CCSER1: variants seen among roughly 807,000 people sequenced by gnomAD.
The protein encoded by CCSER1 is serine-rich coiled-coil domain-containing protein 1.
CCSER1 carries 41 observed loss-of-function variants against 82.0 expected under a neutral mutation model. That is an observed-to-expected ratio of 0.50 (90% CI 0.39 to 0.65). CCSER1 has a LOEUF of 0.65. Ranked by LOEUF, CCSER1 falls within the 30% of genes least tolerant of loss-of-function variation. The pLI is 0.00. For synonymous variants in CCSER1, 414 were observed against 383.9 expected (o/e 1.08, Z -0.92); for missense variants, 1,119 against 1,064.2 (o/e 1.05, Z -0.72).
intron 10 of CCSER1, among the ~76,000 whole-genome samples, chr4:91,464,373 C>T (rs1159304035): frequency 6.6e-6 from 1 of 152,138 alleles, no homozygotes; most frequent in East Asian, 1.9e-4. Context: ...TGCAAAGGAA[C>T]AACCGGTACC....
chr4:91,316,842 TAGAAATAA>T (rs1281997297), intron 10 of CCSER1, among the ~76,000 whole-genome samples: 5 of 151,880 alleles, frequency 3.3e-5, no homozygotes, highest in African/African-American at 1.2e-4. Context: ...TTCAAGCTCA[TAGAAATAA>T]AGAGTGGAAT....
chr4:91,149,638 C>A (rs986370187), intron 10 of CCSER1, among the ~76,000 whole-genome samples: 2 of 152,114 alleles, frequency 1.3e-5, no homozygotes, highest in African/African-American at 4.8e-5. Flanking sequence ...TTTAATTCAT[C>A]TTGAATTAAT....
intron 8 of CCSER1, among the ~76,000 whole-genome samples, chr4:90,833,719 A>T (rs1273934413): frequency 6.6e-6 from 1 of 152,098 alleles, no homozygotes; most frequent in Non-Finnish European, 1.5e-5. Context: ...AAACAAACAA[A>T]CCCTTTTCCT....
chr4:91,401,577 T>C (rs1352549121), intron 10 of CCSER1, among the ~76,000 whole-genome samples: 1 of 151,718 alleles, frequency 6.6e-6, no homozygotes, highest in Non-Finnish European at 1.5e-5. Context: ...GACCCTGGTG[T>C]GTGATGTTCC....
rs868250298 is a variant in CCSER1, at chr4:90,276,315, C to T, written c.-41-31929C>T. On this transcript the variant is annotated intron_variant, in intron 1 of 10. Coordinates refer to ENST00000509176, the MANE Select transcript of CCSER1 (RefSeq NM_001145065.2). ...CCTTCCTTCCTTCCTTCCTTTCTTT[C>T]TTTTTCTTTCTTTCTTTCTTTCTTC... Among the ~76,000 whole-genome samples, 897 of 98,092 alleles carry T rather than the reference C, an allele frequency of 9.1e-3. 14 individuals carry two copies. The highest frequency in any genetic ancestry group is 0.02 in the Middle Eastern group (4 of 202). The allele number at this position is 98,092 out of a possible 152,430, so 64.4% of individuals were successfully genotyped here.
chr4:90,660,873 A>G (rs891404637), intron 6 of CCSER1, among the ~76,000 whole-genome samples: 4 of 152,156 alleles, frequency 2.6e-5, no homozygotes, highest in African/African-American at 9.6e-5. Context: ...TCCAATTTTT[A>G]TTTGCAAAGT....
At chr4:90,213,620 A>G (rs2153415986) in intron 1 of CCSER1, among the ~76,000 whole-genome samples, 1 of 152,278 alleles carries the variant, frequency 6.6e-6, no homozygotes, top group East Asian at 1.9e-4. Context: ...AACTATGAAG[A>G]AGAACCAGCA....
chr4:91,126,389 C>G (rs1398852516), intron 10 of CCSER1, among the ~76,000 whole-genome samples: 1 of 151,816 alleles, frequency 6.6e-6, no homozygotes, highest in East Asian at 1.9e-4. Context: ...CTCCATTTGT[C>G]TATGTATGTG....
intron 10 of CCSER1, chr4:91,319,777 T>C: frequency 2.2e-6 from 1 of 453,430 alleles, no homozygotes; most frequent in East Asian, 7.0e-5. Flanking sequence ...GCTTCTCTTA[T>C]GCTCTAAAGT....
intron 10 of CCSER1, among the ~76,000 whole-genome samples, chr4:91,197,016 A>G (rs1735494746): frequency 6.6e-6 from 1 of 152,244 alleles, no homozygotes; most frequent in African/African-American, 2.4e-5. Context: ...TAAAGTAGTA[A>G]TAACCCTTTA....
At chr4:90,727,940 G>GA (rs886158850) in intron 7 of CCSER1, among the ~76,000 whole-genome samples, 75 of 150,800 alleles carry the variant, frequency 5.0e-4, no homozygotes, top group Admixed American at 7.9e-4. Context: ...AATTCAGCAG[G>GA]AAAAAAAAAC....
At chr4:90,309,752 T>A in intron 2 of CCSER1, 144 bp downstream of exon 2, 1 of 642,348 alleles carries the variant, frequency 1.6e-6, no homozygotes, top group Non-Finnish European at 2.6e-6. Context: ...TAATTTGTGT[T>A]AAATGTTTCC....
At chr4:90,689,953 A>C (rs1456134288) in intron 6 of CCSER1, among the ~76,000 whole-genome samples, 1 of 152,146 alleles carries the variant, frequency 6.6e-6, no homozygotes, top group African/African-American at 2.4e-5. Flanking sequence ...GGGAGAGGAC[A>C]TCAGTATGCA....
At chr4:90,542,443 A>G (rs552041186) in intron 5 of CCSER1, among the ~76,000 whole-genome samples, 3 of 152,216 alleles carry the variant, frequency 2.0e-5, no homozygotes, top group African/African-American at 7.2e-5. Context: ...GCTATGGGAT[A>G]ACATTGCATC....
At chr4:90,296,013 A>G (rs909227178) in intron 1 of CCSER1, among the ~76,000 whole-genome samples, 1 of 152,078 alleles carries the variant, frequency 6.6e-6, no homozygotes, top group Non-Finnish European at 1.5e-5. Context: ...ATAAAAAAAA[A>G]CAACTGCTCT....
intron 1 of CCSER1, among the ~76,000 whole-genome samples, chr4:90,169,016 G>A (rs75792663): frequency 0.31 from 46,836 of 151,278 alleles, 8,506 homozygotes; most frequent in East Asian, 0.64. Flanking sequence ...TGTGAAGAAA[G>A]TCATTGGTAG....
At chr4:90,933,256 C>T (rs541260320) in intron 9 of CCSER1, among the ~76,000 whole-genome samples, 83 of 150,504 alleles carry the variant, frequency 5.5e-4, no homozygotes, top group African/African-American at 1.9e-3. Flanking sequence ...GGCGCGGTCT[C>T]GGCTCACTGC....
chr4:90,175,932 A>C (rs1320900097), intron 1 of CCSER1, among the ~76,000 whole-genome samples: 1 of 152,012 alleles, frequency 6.6e-6, no homozygotes. Flanking sequence ...TTAGAGCTTA[A>C]CAGTAAACAT....
intron 6 of CCSER1, among the ~76,000 whole-genome samples, chr4:90,699,623 T>C (rs2149269295): frequency 6.6e-6 from 1 of 152,296 alleles, no homozygotes; most frequent in African/African-American, 2.4e-5. Flanking sequence ...TGTACCACTT[T>C]GGTAGGCTGT....
Sources: gnomAD v4.1 joint callset for allele counts (sites outside exome capture counted in the v4.1 genomes callset) on GRCh38, gnomAD v4.1.1 for gene constraint, MANE v1.5 for transcripts, NCBI Gene and HGNC (gene_info 2026-07-23, HGNC 2026-07-21) for gene names.